Variants in RBFOX1 observed in about 807,000 individuals in gnomAD.
RBFOX1 encodes RNA binding fox-1 homolog 1.
RBFOX1 carries 8 observed loss-of-function variants against 57.7 expected under a neutral mutation model. The ratio of observed to expected loss-of-function variants is 0.14; its 90% CI spans 0.08 to 0.25. The LOEUF (loss-of-function observed/expected upper bound fraction) is 0.25, where lower values mean the gene tolerates loss of function less well. RBFOX1 is among the 10% of genes least tolerant of loss of function. RBFOX1 has a pLI of 1.00. For missense variants in RBFOX1, 611 were observed against 548.5 expected (o/e 1.11, Z -1.14); for synonymous variants, 326 against 222.4 (o/e 1.47, Z -4.15).
intron 3 of RBFOX1, among the ~76,000 whole-genome samples, chr16:6,912,602 C>T (rs12598667): frequency 0.76 from 114,242 of 150,862 alleles, 43,410 homozygotes; most frequent in East Asian, 0.93. Context: ...GCTTTCTTTT[C>T]TTGTGTGTGT....
At chr16:5,689,529 G>A (rs1653097686) in intron 3 of RBFOX1, among the ~76,000 whole-genome samples, 1 of 152,146 alleles carries the variant, frequency 6.6e-6, no homozygotes, top group Non-Finnish European at 1.5e-5. Flanking sequence ...ACACTGAACT[G>A]AATAGGAGGT....
intron 5 of RBFOX1, among the ~76,000 whole-genome samples, chr16:7,519,217 A>T (rs960963299): frequency 1.3e-5 from 2 of 152,116 alleles, no homozygotes; most frequent in Non-Finnish European, 2.9e-5. Flanking sequence ...CTCCTCATTC[A>T]TACCTCAGAG....
intron 1 of RBFOX1, among the ~76,000 whole-genome samples, chr16:6,080,014 C>G (rs1176658195): frequency 2.0e-5 from 3 of 152,146 alleles, no homozygotes; most frequent in Non-Finnish European, 4.4e-5. Context: ...AACAATCCTC[C>G]TAAGTTCTGG....
At chr16:6,095,759 G>A (rs1225608083) in intron 1 of RBFOX1, among the ~76,000 whole-genome samples, 1 of 152,094 alleles carries the variant, frequency 6.6e-6, no homozygotes, top group Non-Finnish European at 1.5e-5. Context: ...GTCCAAAACT[G>A]GGTAATTCAG....
intron 3 of RBFOX1, among the ~76,000 whole-genome samples, chr16:7,008,517 G>A (rs2093430387): frequency 6.6e-6 from 1 of 152,036 alleles, no homozygotes; most frequent in Non-Finnish European, 1.5e-5. Flanking sequence ...TCCAGCCTGG[G>A]TGACAGGGCA....
intron 4 of RBFOX1, among the ~76,000 whole-genome samples, chr16:7,071,990 C>A (rs949804789): frequency 6.6e-6 from 1 of 152,116 alleles, no homozygotes; most frequent in Admixed American, 6.5e-5. Flanking sequence ...TCTATGAATT[C>A]CTCTCAAAAT....
chr16:5,991,426 G>A (rs1054262992), intron 4 of RBFOX1, among the ~76,000 whole-genome samples: 6 of 152,116 alleles, frequency 3.9e-5, no homozygotes, highest in East Asian at 1.9e-4. Context: ...AAGAATCATC[G>A]TCACTGCAGC....
chr16:7,645,911 C>G (rs190010056), intron 11 of RBFOX1, among the ~76,000 whole-genome samples: 3 of 150,828 alleles, frequency 2.0e-5, no homozygotes, highest in Non-Finnish European at 2.9e-5. Flanking sequence ...TATCAGTGAC[C>G]GAAAGGATGG....
intron 4 of RBFOX1, among the ~76,000 whole-genome samples, chr16:7,065,675 C>G (rs937539791): frequency 2.0e-5 from 3 of 152,098 alleles, no homozygotes; most frequent in African/African-American, 7.2e-5. Flanking sequence ...TTAAAATTTA[C>G]GCTCTCAGCA....
chr16:6,877,045 A>ATTTAATATTTTG (rs1454169077), intron 3 of RBFOX1, among the ~76,000 whole-genome samples: 1 of 152,228 alleles, frequency 6.6e-6, no homozygotes. Context: ...AAATATTCAT[A>ATTTAATATTTTG]TGTATATTTT....
At chr16:6,857,169 G>C (rs1390305607) in intron 3 of RBFOX1, among the ~76,000 whole-genome samples, 3 of 152,134 alleles carry the variant, frequency 2.0e-5, no homozygotes, top group Non-Finnish European at 4.4e-5. Flanking sequence ...ATTTTAAAAA[G>C]ACTTTCAGGT....
At chr16:5,331,897 C>T (rs1451735837) in intron 1 of RBFOX1, among the ~76,000 whole-genome samples, 20 of 152,252 alleles carry the variant, frequency 1.3e-4, no homozygotes, top group Admixed American at 1.3e-3. Context: ...TTCTTCCCTT[C>T]CATCTAAAAG....
At chr16:5,330,075 G>C (rs1354272654) in intron 1 of RBFOX1, among the ~76,000 whole-genome samples, 4 of 151,896 alleles carry the variant, frequency 2.6e-5, no homozygotes, top group Non-Finnish European at 4.4e-5. Flanking sequence ...TGAACTCTCT[G>C]AGGCTTCTTT....
At chr16:5,772,405 A>G (rs1330230290) in intron 3 of RBFOX1, among the ~76,000 whole-genome samples, 1 of 152,154 alleles carries the variant, frequency 6.6e-6, no homozygotes, top group Non-Finnish European at 1.5e-5. Flanking sequence ...TTGGGATTTC[A>G]GAGATTTTAG....
chr16:6,459,040 A>G (rs534817052), intron 2 of RBFOX1, among the ~76,000 whole-genome samples: 13 of 152,346 alleles, frequency 8.5e-5, no homozygotes, highest in Non-Finnish European at 8.8e-5. Flanking sequence ...AAGTTTTGAA[A>G]TCAGCACATT....
intron 1 of RBFOX1, among the ~76,000 whole-genome samples, chr16:6,141,433 G>T (rs1453310083): frequency 6.6e-6 from 1 of 152,064 alleles, no homozygotes; most frequent in Non-Finnish European, 1.5e-5. Context: ...TGGGTTATCT[G>T]TTAGGGACCA....
intron 1 of RBFOX1, among the ~76,000 whole-genome samples, chr16:5,310,465 C>T (rs561396250): frequency 3.3e-5 from 5 of 152,194 alleles, no homozygotes; most frequent in African/African-American, 9.6e-5. Context: ...CAACATTTTC[C>T]AGGTATAGTG....
chr16:6,779,907 A>T (rs868243998), intron 3 of RBFOX1, among the ~76,000 whole-genome samples: 10 of 45,458 alleles, frequency 2.2e-4, no homozygotes, highest in Admixed American at 8.5e-4. Context: ...ATTTATATAT[A>T]TTTATATATT....
chr16:6,846,554 G>A (rs767251147), intron 3 of RBFOX1, among the ~76,000 whole-genome samples: 6 of 152,178 alleles, frequency 3.9e-5, no homozygotes, highest in Non-Finnish European at 7.3e-5. Context: ...GGAGCTGTTC[G>A]GGGAGCTGCT....
Sources: gnomAD v4.1 joint callset for allele counts (sites outside exome capture counted in the v4.1 genomes callset) on GRCh38, gnomAD v4.1.1 for gene constraint, MANE v1.5 for transcripts, NCBI Gene and HGNC (gene_info 2026-07-23, HGNC 2026-07-21) for gene names.